Variants in PRMT8 observed in about 807,000 individuals in gnomAD.
PRMT8 encodes protein arginine N-methyltransferase 8.
Under a neutral mutation model 47.1 loss-of-function variants are expected in PRMT8, and 7 were observed. The ratio of observed to expected loss-of-function variants is 0.15; its 90% confidence interval spans 0.08 to 0.28. The LOEUF is 0.28. Among genes scored for constraint, PRMT8 ranks in the 10% least tolerant of loss-of-function variants. The probability of loss-of-function intolerance (pLI) is 1.00; values close to 1 mark genes in which losing one functional copy is unlikely to be tolerated. For synonymous variants in PRMT8, 188 were observed against 186.5 expected (o/e 1.01, Z -0.07); for missense variants, 237 against 505.4 (o/e 0.47, Z 5.09).
intron 1 of PRMT8, among the ~76,000 whole-genome samples, chr12:3,494,147 G>A (rs776101515): frequency 6.6e-6 from 1 of 152,154 alleles, no homozygotes; most frequent in Non-Finnish European, 1.5e-5. Context: ...CGTGGTAGTG[G>A]TCCTAGTTCT....
chr12:3,395,209 C>G (rs1160448829), intron 1 of PRMT8, among the ~76,000 whole-genome samples: 4 of 151,168 alleles, frequency 2.6e-5, no homozygotes, highest in African/African-American at 9.7e-5. Flanking sequence ...GTCTCTATTT[C>G]CTTCAGTTCT....
chr12:3,554,333 C>T (rs910979545), intron 4 of PRMT8, among the ~76,000 whole-genome samples: 2 of 152,230 alleles, frequency 1.3e-5, no homozygotes, highest in Non-Finnish European at 2.9e-5. Context: ...CCGCAAGGGT[C>T]CCTGATCAGG....
At chr12:3,534,261 G>A (rs917076817) in intron 1 of PRMT8, among the ~76,000 whole-genome samples, 2 of 152,234 alleles carry the variant, frequency 1.3e-5, no homozygotes, top group African/African-American at 4.8e-5. Flanking sequence ...TCCTCTAGTG[G>A]AGCCTCTTGT....
chr12:3,591,965 C>T (rs1043594873), intron 8 of PRMT8, among the ~76,000 whole-genome samples: 9 of 152,036 alleles, frequency 5.9e-5, no homozygotes, highest in Admixed American at 6.6e-5. Context: ...CTTGTAGTAT[C>T]GGGTTGTTTG....
chr12:3,534,321 T>C (rs1866083004), intron 1 of PRMT8, among the ~76,000 whole-genome samples: 1 of 152,258 alleles, frequency 6.6e-6, no homozygotes, highest in South Asian at 2.1e-4. Context: ...AGGAGCCATT[T>C]ATAGCCCAAA....
At chr12:3,543,307 G>C (rs1866266376) in intron 2 of PRMT8, among the ~76,000 whole-genome samples, 1 of 152,204 alleles carries the variant, frequency 6.6e-6, no homozygotes, top group African/African-American at 2.4e-5. Flanking sequence ...GGAGGTGGGG[G>C]GCACGTGGAA....
upstream of PRMT8, chr12:3,491,128 C>CG (rs1363333116): frequency 3.0e-6 from 3 of 984,332 alleles, no homozygotes; most frequent in Admixed American, 1.2e-4. Context: ...CAGCCGCCGC[C>CG]GGCTCCAGCG....
chr12:3,420,045 G>C (rs1864525044), intron 1 of PRMT8, among the ~76,000 whole-genome samples: 1 of 150,606 alleles, frequency 6.6e-6, no homozygotes, highest in Non-Finnish European at 1.5e-5. Flanking sequence ...CAGAGAGAGA[G>C]AGAGAGAGAG....
chr12:3,449,196 A>G (rs946353138), intron 1 of PRMT8, among the ~76,000 whole-genome samples: 1 of 152,194 alleles, frequency 6.6e-6, no homozygotes, highest in African/African-American at 2.4e-5. Context: ...TGCAGTGAAT[A>G]TACGTGTGCA....
At chr12:3,393,585 GTACCAGTA>G (rs1864217589) in intron 1 of PRMT8, among the ~76,000 whole-genome samples, 1 of 151,982 alleles carries the variant, frequency 6.6e-6, no homozygotes, top group Non-Finnish European at 1.5e-5. Context: ...CTCTGTTTTG[GTACCAGTA>G]CCATGCTGTT....
intron 1 of PRMT8, among the ~76,000 whole-genome samples, chr12:3,383,160 C>T (rs1223907461): frequency 1.3e-5 from 2 of 152,082 alleles, no homozygotes; most frequent in Non-Finnish European, 1.5e-5. Flanking sequence ...CTAATTCCTC[C>T]CACTTTATTC....
At chr12:3,440,786 ACAAGAAAACAG>A (rs367847168) in intron 1 of PRMT8, among the ~76,000 whole-genome samples, 1 of 152,318 alleles carries the variant, frequency 6.6e-6, no homozygotes, top group East Asian at 1.9e-4. Context: ...TTATACCAGG[ACAAGAAAACAG>A]CAAGAAAATG....
intron 2 of PRMT8, among the ~76,000 whole-genome samples, chr12:3,542,731 A>G (rs1591594042): frequency 6.6e-6 from 1 of 151,666 alleles, no homozygotes; most frequent in African/African-American, 2.4e-5. Flanking sequence ...CTTCTTGGAC[A>G]CCTCCCTCTG....
At chr12:3,435,814 C>T (rs988894247) in intron 1 of PRMT8, among the ~76,000 whole-genome samples, 3 of 152,158 alleles carry the variant, frequency 2.0e-5, no homozygotes, top group Non-Finnish European at 4.4e-5. Flanking sequence ...GCCACCACGC[C>T]CGGCCAACGT....
At chr12:3,507,304 G>A (rs1865644698) in intron 1 of PRMT8, among the ~76,000 whole-genome samples, 1 of 151,880 alleles carries the variant, frequency 6.6e-6, no homozygotes, top group African/African-American at 2.4e-5. Flanking sequence ...TGTATTTTTA[G>A]TAGAGATGGC....
At chr12:3,413,567 A>T (rs1864453789) in intron 1 of PRMT8, among the ~76,000 whole-genome samples, 1 of 152,180 alleles carries the variant, frequency 6.6e-6, no homozygotes, top group South Asian at 2.1e-4. Context: ...ACGAGCTGTT[A>T]TCTCCTATGA....
At chr12:3,465,856 A>G (rs1391342064) in intron 1 of PRMT8, among the ~76,000 whole-genome samples, 4 of 152,198 alleles carry the variant, frequency 2.6e-5, no homozygotes, top group Non-Finnish European at 4.4e-5. Context: ...CTGCACACAT[A>G]CGCAGGAGGG....
chr12:3,532,176 T>C (rs1168576949), intron 1 of PRMT8, among the ~76,000 whole-genome samples: 4 of 151,562 alleles, frequency 2.6e-5, no homozygotes, highest in Non-Finnish European at 1.5e-5. Flanking sequence ...TGTTTATAGA[T>C]CTCAGGAAAA....
chr12:3,529,039 T>C (rs894553493), intron 1 of PRMT8, among the ~76,000 whole-genome samples: 5 of 152,236 alleles, frequency 3.3e-5, no homozygotes, highest in Non-Finnish European at 7.3e-5. Flanking sequence ...GTGGTAGTTT[T>C]TTCACATCCA....
Sources: allele counts gnomAD v4.1 joint callset (sites outside exome capture counted in the v4.1 genomes callset), GRCh38; gene constraint gnomAD v4.1.1; transcripts MANE v1.5; gene names NCBI Gene and HGNC (gene_info 2026-07-23, HGNC 2026-07-21).